The following IKBKB variants were observed in gnomAD, a reference collection of about 807,000 sequenced individuals.
IKBKB encodes inhibitor of nuclear factor kappa B kinase subunit beta.
Under a neutral mutation model 113.6 loss-of-function variants are expected in IKBKB, and 42 were observed. The observed-to-expected ratio is 0.37, with a 90% CI of 0.29 to 0.48. The LOEUF (loss-of-function observed/expected upper bound fraction) is 0.48. Ranked by LOEUF, IKBKB falls within the 20% of genes least tolerant of loss-of-function variation. The pLI, the probability that IKBKB is intolerant of heterozygous loss-of-function variation, is 0.99. For missense variants in IKBKB, 673 were observed against 939.7 expected (o/e 0.72, Z 3.71); for synonymous variants, 296 against 361.3 (o/e 0.82, Z 2.05).
In IKBKB at chr8:42,320,012, A is replaced by G. The variant is rs976872226; in HGVS notation, c.1578+366A>G. On this transcript the variant is annotated intron_variant, in intron 15 of 21. Coordinates refer to ENST00000520810, the MANE Select transcript of IKBKB (RefSeq NM_001556.3). ...CTAATTTTGTTGGGATGCTAAATCC[A>G]TAGGAAATAAAAGGTCTAGGCAGAA... The G allele has an allele frequency of 8.3e-5, 17 of 204,306 alleles. No individual in the cohort carries two copies. In the Admixed American group the frequency reaches 8.7e-4, roughly 10 times the overall value. 12.7% of individuals were successfully genotyped at this position (204,306 alleles called of 1,614,324 possible). A position where few individuals can be genotyped will look rare whatever the true frequency, so the allele number is the denominator to read the frequency against.
chr8:42,275,227 C>T (rs1808837244), intron 2 of IKBKB, among the ~76,000 whole-genome samples: 1 of 150,562 alleles, frequency 6.6e-6, no homozygotes. Flanking sequence ...CTCAATCTGT[C>T]ATCCAGGCTG....
intron 15 of IKBKB, chr8:42,320,408 G>A: frequency 7.8e-6 from 2 of 257,600 alleles, no homozygotes; most frequent in South Asian, 4.6e-5. Flanking sequence ...TGTGTCTTGG[G>A]CATCTTCTGT....
At chr8:42,312,108 G>A (rs910864368) in intron 8 of IKBKB, among the ~76,000 whole-genome samples, 7 of 152,106 alleles carry the variant, frequency 4.6e-5, no homozygotes, top group African/African-American at 1.7e-4. Context: ...GGATGGTCTC[G>A]ATCTCCTGAC....
At chr8:42,291,336 C>A (rs181599556) in intron 4 of IKBKB, among the ~76,000 whole-genome samples, 3,211 of 152,260 alleles carry the variant, frequency 0.021, 57 homozygotes, top group Non-Finnish European at 0.034. Flanking sequence ...CGCCCGCCCC[C>A]ACGCCTGGCT....
At chr8:42,299,336 A>T (rs1179637015) in intron 5 of IKBKB, among the ~76,000 whole-genome samples, 1 of 152,084 alleles carries the variant, frequency 6.6e-6, no homozygotes, top group Admixed American at 6.5e-5. Flanking sequence ...TGGCCTCCTT[A>T]ACCCTGTGTG....
chr8:42,284,046 A>C (rs999233366), intron 2 of IKBKB, among the ~76,000 whole-genome samples: 9 of 152,148 alleles, frequency 5.9e-5, no homozygotes, highest in Admixed American at 6.5e-5. Flanking sequence ...ACTCCGCCTA[A>C]CTGGAGGCAA....
At chr8:42,317,901 GCCTT>G (rs1818994311) in intron 12 of IKBKB, 130 bp downstream of exon 12, 1 of 689,062 alleles carries the variant, frequency 1.5e-6, no homozygotes, top group Admixed American at 2.2e-5. Flanking sequence ...CCTCAGGGCA[GCCTT>G]CCTTATTTAG....
intron 20 of IKBKB, among the ~76,000 whole-genome samples, chr8:42,328,786 G>A (rs1220086099): frequency 1.3e-5 from 2 of 152,016 alleles, no homozygotes; most frequent in Admixed American, 1.3e-4. Flanking sequence ...TTGGAAAACA[G>A]GTGATTTGGA....
intron 8 of IKBKB, 167 bp from the exon 9 acceptor site, chr8:42,314,155 C>G: frequency 1.6e-6 from 1 of 630,164 alleles, no homozygotes; most frequent in Middle Eastern, 3.2e-4. Context: ...AGGTTTGTAG[C>G]CTAGGAGCAA....
intron 2 of IKBKB, among the ~76,000 whole-genome samples, chr8:42,278,219 G>A (rs902590050): frequency 1.3e-5 from 2 of 152,210 alleles, no homozygotes; most frequent in Non-Finnish European, 2.9e-5. Context: ...GAGGGCAGGT[G>A]TGGCAAGTGG....
chr8:42,283,169 T>A (rs1179845466), intron 2 of IKBKB, among the ~76,000 whole-genome samples: 5 of 152,200 alleles, frequency 3.3e-5, no homozygotes, highest in Non-Finnish European at 7.3e-5. Flanking sequence ...GTGTTTGTGT[T>A]GGGCAAAAGA....
chr8:42,329,723 A>C (rs751633118), intron 21 of IKBKB: 48 of 985,194 alleles, frequency 4.9e-5, no homozygotes, highest in Non-Finnish European at 5.5e-5. Context: ...CTGGGCTGGG[A>C]GCAGGAACCA....
At chr8:42,294,905 G>T (rs957077595) in intron 5 of IKBKB, among the ~76,000 whole-genome samples, 9 of 152,164 alleles carry the variant, frequency 5.9e-5, no homozygotes, top group South Asian at 2.1e-4. Context: ...TCAGTGGCCA[G>T]ATTCTTCATT....
intron 2 of IKBKB, among the ~76,000 whole-genome samples, chr8:42,272,716 G>A (rs1054136129): frequency 2.0e-5 from 3 of 151,818 alleles, no homozygotes; most frequent in Admixed American, 2.0e-4. Flanking sequence ...GAGGCAGGCG[G>A]ATCACGCAGT....
At chr8:42,279,804 T>G (rs1251482116) in intron 2 of IKBKB, among the ~76,000 whole-genome samples, 1 of 152,190 alleles carries the variant, frequency 6.6e-6, no homozygotes, top group Non-Finnish European at 1.5e-5. Flanking sequence ...CACCACAGTC[T>G]AAACCTTTTT....
chr8:42,321,921 A>C lies in IKBKB; in HGVS notation c.1714A>C (p.Arg572=). 1 of 1,613,330 alleles carries C rather than the reference A, an allele frequency of 6.2e-7. No individual in the cohort carries two copies. ...AGAGGAGCAAGCAAGGGAGCTGTAC[A>C]GGAGACTAAGGGAAAAACCTCGAGG... is the stretch of plus-strand genomic sequence containing the variant. ...DLEEQARELY[R]RLREKPRDQR... is the part of the protein sequence containing the mutation. The change falls in exon 17 of 22, where the codon AGG becomes CGG. Residue 572 remains arginine, a synonymous_variant. Transcript: ENST00000520810.
intron 5 of IKBKB, among the ~76,000 whole-genome samples, chr8:42,301,655 G>A (rs1815229933): frequency 6.6e-6 from 1 of 152,174 alleles, no homozygotes; most frequent in Admixed American, 6.5e-5. Context: ...CCCGAAATGA[G>A]GAATAAAGTT....
chr8:42,318,940 C>A, intron 13 of IKBKB: 1 of 527,060 alleles, frequency 1.9e-6, no homozygotes, highest in Non-Finnish European at 3.4e-6. Flanking sequence ...TTTGGGAACC[C>A]AGAGGAGCTC....
At chr8:42,305,102 C>A in intron 5 of IKBKB, 85 bp from the exon 6 acceptor site, 1 of 873,414 alleles carries the variant, frequency 1.1e-6, no homozygotes, top group Non-Finnish European at 1.9e-6. Flanking sequence ...CAGGGGCATG[C>A]GGCATTTATC....
Sources: gnomAD v4.1 joint callset for allele counts (sites outside exome capture counted in the v4.1 genomes callset) on GRCh38, gnomAD v4.1.1 for gene constraint, MANE v1.5 for transcripts, NCBI Gene and HGNC (gene_info 2026-07-23, HGNC 2026-07-21) for gene names.